Variants in TCAIM observed in about 807,000 individuals in gnomAD.
TCAIM encodes T-cell activation inhibitor, mitochondrial.
TCAIM carries 36 observed loss-of-function variants against 58.6 expected under a neutral mutation model. That is an observed-to-expected ratio of 0.61 (90% CI 0.47 to 0.81). The LOEUF is 0.81. Ranked by LOEUF, TCAIM falls within the 30% of genes least tolerant of loss-of-function variation. The pLI is 0.00. For synonymous variants in TCAIM, 172 were observed against 193.6 expected, an observed-to-expected ratio of 0.89 and a Z score of 0.93; for missense variants, 466 against 579.6, an observed-to-expected ratio of 0.80 and a Z score of 2.01.
rs547174093 is a variant in TCAIM, at chr3:44,346,803, G to A, written c.-44-7936G>A. 5.9e-5 allele frequency among the ~76,000 whole-genome samples: 9 copies of A among 152,306 alleles called. No individual in the cohort carries two copies. The South Asian group carries it at 6.2e-4, about 11-fold the overall frequency. ...TGTTTGGACAGAAAGGCTACAGGGC[G>A]CAGTCCTGGCTCTTGTGTAAGAATT... On this transcript the variant is annotated intron_variant, in intron 1 of 10. Coordinates refer to ENST00000342649, the MANE Select transcript of TCAIM (RefSeq NM_173826.4).
Position 44,409,375 on chromosome 3 carries a change from A to G in TCAIM, c.*1693A>G, listed in dbSNP as rs1409041249. The G allele has an allele frequency of 6.6e-6, 1 of 152,252 alleles. No individual in the cohort carries two copies. The highest frequency in any genetic ancestry group is 1.9e-4 in the East Asian group (1 of 5,200). 9.4% of individuals were successfully genotyped at this position (152,252 alleles called of 1,614,324 possible). On this transcript the variant is annotated 3_prime_UTR_variant, in exon 11 of 11. Coordinates refer to ENST00000342649, the MANE Select transcript of TCAIM (RefSeq NM_173826.4). ...TACGATTTCTAAAATATACTAATAC[A>G]GAATCCTCAGTAATATGTTTTGAAT...
chr3:44,348,803 G>A (rs959747332), intron 1 of TCAIM, among the ~76,000 whole-genome samples: 1 of 152,200 alleles, frequency 6.6e-6, no homozygotes, highest in Non-Finnish European at 1.5e-5. Context: ...TGCTAAACGA[G>A]CCATGAACTG....
intron 5 of TCAIM, among the ~76,000 whole-genome samples, chr3:44,382,950 A>G (rs1175636149): frequency 2.0e-5 from 3 of 152,234 alleles, no homozygotes; most frequent in Admixed American, 2.0e-4. Context: ...TTCTCCAAAG[A>G]AGGTATATAA....
Position 44,361,391 on chromosome 3 carries a change from G to T in TCAIM, c.192G>T (p.Arg64Ser), listed in dbSNP as rs776278530. The T allele has an allele frequency of 6.0e-5, 96 of 1,605,182 alleles. No homozygotes were observed. The highest frequency in any genetic ancestry group is 7.9e-5 in the Non-Finnish European group (93 of 1,177,222). ...AAATCAATGAAAATTCTCTTAAAAGGTTAAGTGTCTACCTAGAAAACCTCC... is the reference window on the plus strand; with the variant it reads ...AAATCAATGAAAATTCTCTTAAAAGTTTAAGTGTCTACCTAGAAAACCTCC... ...EREINENSLK[R>S]LSVYLENLQK... The change falls in exon 4 of 11, where the codon AGG (arginine) becomes AGT (serine). Residue 64 changes from arginine (R) to serine (S), a missense_variant. By Grantham distance (110) the Arg-to-Ser change is moderately radical (BLOSUM62 -1). Coordinates refer to ENST00000342649, the MANE Select transcript of TCAIM (RefSeq NM_173826.4).
At chr3:44,403,919 G>C (rs969900956) in intron 10 of TCAIM, among the ~76,000 whole-genome samples, 2 of 152,070 alleles carry the variant, frequency 1.3e-5, no homozygotes, top group African/African-American at 4.8e-5. Context: ...CCCCGCAGTG[G>C]ACTCTCGTCA....
chr3:44,374,971 A>C (rs1002298947), intron 5 of TCAIM, among the ~76,000 whole-genome samples: 2 of 151,966 alleles, frequency 1.3e-5, no homozygotes, highest in Admixed American at 1.3e-4. Flanking sequence ...GCTTCGCTTG[A>C]GTTACTATTT....
chr3:44,342,533 A>AT (rs915342013), intron 1 of TCAIM, among the ~76,000 whole-genome samples: 9 of 151,698 alleles, frequency 5.9e-5, no homozygotes, highest in Non-Finnish European at 1.3e-4. Context: ...TATCAATCAA[A>AT]TTTTTTTTTA....
rs758822951 is a variant in TCAIM, at chr3:44,355,021, A to G, written c.29+210A>G. Among the ~76,000 whole-genome samples, 87 of 152,334 alleles carry G rather than the reference A, an allele frequency of 5.7e-4. 1 individual carries two copies. The highest frequency in any genetic ancestry group is 1.2e-3 in the Non-Finnish European group (83 of 68,020). On this transcript the variant is annotated intron_variant, in intron 2 of 10. Transcript: ENST00000342649. Reference sequence around the variant, plus strand: ...GGTGAAAAGAATACTGTCCTTCAGAAGAGTTAGGTGTGAAAAGCTTAAAAG... The same window carrying G: ...GGTGAAAAGAATACTGTCCTTCAGAGGAGTTAGGTGTGAAAAGCTTAAAAG...
intron 6 of TCAIM, among the ~76,000 whole-genome samples, chr3:44,394,764 C>T (rs868758388): frequency 7.9e-4 from 119 of 150,172 alleles, no homozygotes; most frequent in Middle Eastern, 3.4e-3. Flanking sequence ...CCTGGTGGCA[C>T]GTGCCTGTAA....
Position 44,383,091 on chromosome 3 carries a change from G to T in TCAIM, c.573-9764G>T, listed in dbSNP as rs375814455. Among the ~76,000 whole-genome samples, 19 of 152,256 alleles carry T rather than the reference G, an allele frequency of 1.2e-4. No individual in the cohort carries two copies. In the South Asian group the frequency reaches 2.1e-3, roughly 17 times the overall value. ...TACTATCCAAAAACCAAAATAACAA[G>T]AGTTGATGAGGGTTTGAAGAAACTG... On this transcript the variant is annotated intron_variant, in intron 5 of 10. Transcript: ENST00000342649.
chr3:44,367,872 C>A, intron 5 of TCAIM, 164 bp downstream of exon 5: 1 of 579,678 alleles, frequency 1.7e-6, no homozygotes, highest in Non-Finnish European at 2.7e-6. Context: ...TCTAGTTAAT[C>A]CAGTAATCAT....
intron 9 of TCAIM, 179 bp from the exon 10 acceptor site, chr3:44,401,024 G>A: frequency 2.3e-6 from 2 of 869,510 alleles, no homozygotes; most frequent in Non-Finnish European, 1.7e-6. Flanking sequence ...AGTAGGTCGT[G>A]ATCTTCTGAA....
chr3:44,381,821 C>T (rs2125645800), intron 5 of TCAIM, among the ~76,000 whole-genome samples: 1 of 152,172 alleles, frequency 6.6e-6, no homozygotes, highest in Admixed American at 6.5e-5. Flanking sequence ...AAATTAATTG[C>T]ATTTCTGTAT....
intron 1 of TCAIM, chr3:44,340,052 A>G (rs974120515): frequency 2.0e-5 from 3 of 152,226 alleles, no homozygotes; most frequent in African/African-American, 7.2e-5. Flanking sequence ...CAGTATGGAC[A>G]GGAACCACCT....
chr3:44,358,911 G>C, intron 3 of TCAIM: 1 of 985,308 alleles, frequency 1.0e-6, no homozygotes, highest in Non-Finnish European at 1.2e-6. Context: ...TTCTGATTAT[G>C]ATATGTGATA....
At chr3:44,351,471 T>C (rs1175216722) in intron 1 of TCAIM, among the ~76,000 whole-genome samples, 2 of 151,990 alleles carry the variant, frequency 1.3e-5, no homozygotes, top group East Asian at 1.9e-4. Context: ...AATCACCTTT[T>C]TAAATTTATT....
chr3:44,371,826 C>G (rs1447311111), intron 5 of TCAIM, among the ~76,000 whole-genome samples: 3 of 152,118 alleles, frequency 2.0e-5, no homozygotes, highest in Admixed American at 6.6e-5. Context: ...ATCATAAAAG[C>G]TGGAATGGTA....
In TCAIM at chr3:44,361,367, A is replaced by G. The variant is rs200880941; in HGVS notation, c.168A>G (p.Glu56=). The change falls in exon 4 of 11, where the codon GAA becomes GAG. Residue 56 remains glutamate, a splice_region_variant and synonymous_variant. Transcript: ENST00000342649. Reference sequence around the variant, plus strand: ...ATGCCCTTAATGTTTTTTTCCAGGAAATCAATGAAAATTCTCTTAAAAGGT... The same window carrying G: ...ATGCCCTTAATGTTTTTTTCCAGGAGATCAATGAAAATTCTCTTAAAAGGT... ...DFFGQHPVER[E]INENSLKRLS... is the part of the protein sequence containing the mutation. 24 of 1,586,670 alleles carry G rather than the reference A, an allele frequency of 1.5e-5. No individual in the cohort carries two copies. The highest frequency in any genetic ancestry group is 2.0e-5 in the Non-Finnish European group (23 of 1,171,960).
At chr3:44,353,018 G>A (rs1380767320) in intron 1 of TCAIM, among the ~76,000 whole-genome samples, 2 of 149,916 alleles carry the variant, frequency 1.3e-5, no homozygotes, top group African/African-American at 4.9e-5. Context: ...TGATTCCTGG[G>A]TTCAAGCAAT....
Sources: gnomAD v4.1 joint callset for allele counts (sites outside exome capture counted in the v4.1 genomes callset) on GRCh38, gnomAD v4.1.1 for gene constraint, MANE v1.5 for transcripts, NCBI Gene and HGNC (gene_info 2026-07-23, HGNC 2026-07-21) for gene names.